The following EXOC4 variants were observed in gnomAD, a reference collection of about 807,000 sequenced individuals.
EXOC4 encodes exocyst complex component 4.
In EXOC4, 71 loss-of-function variants were observed where a neutral mutation model predicts 107.2. That is an observed-to-expected ratio of 0.66 (90% confidence interval 0.55 to 0.81). The LOEUF is 0.81. EXOC4 is among the 30% of genes least tolerant of loss of function. The pLI, the probability that EXOC4 is intolerant of heterozygous loss-of-function variation, is 0.00. For missense variants in EXOC4, 1,108 were observed against 1,189.6 expected (o/e 0.93, Z 1.01); for synonymous variants, 456 against 441.2 (o/e 1.03, Z -0.42).
At chr7:133,788,042 T>A (rs1284340636) in intron 10 of EXOC4, among the ~76,000 whole-genome samples, 1 of 127,012 alleles carries the variant, frequency 7.9e-6, no homozygotes, top group East Asian at 2.6e-4. Context: ...GGAGCTTGAA[T>A]AAGGTTCATA....
At chr7:133,765,814 T>C (rs1049582073) in intron 10 of EXOC4, among the ~76,000 whole-genome samples, 1 of 151,998 alleles carries the variant, frequency 6.6e-6, no homozygotes, top group African/African-American at 2.4e-5. Context: ...CCTGTCTCTT[T>C]GGTAATTTAT....
At chr7:133,519,338 G>T (rs1026654665) in intron 9 of EXOC4, among the ~76,000 whole-genome samples, 20 of 152,042 alleles carry the variant, frequency 1.3e-4, no homozygotes, top group Admixed American at 4.6e-4. Flanking sequence ...TGGGATAATC[G>T]CTTGAGCCCA....
intron 13 of EXOC4, among the ~76,000 whole-genome samples, chr7:133,935,301 C>G (rs1800274264): frequency 6.6e-6 from 1 of 152,132 alleles, no homozygotes; most frequent in Non-Finnish European, 1.5e-5. Flanking sequence ...TGATGCCCAT[C>G]TACTGATTTC....
At chr7:133,811,873 A>G (rs948689426) in intron 10 of EXOC4, among the ~76,000 whole-genome samples, 1 of 152,236 alleles carries the variant, frequency 6.6e-6, no homozygotes, top group Non-Finnish European at 1.5e-5. Context: ...AGTTTCAGGA[A>G]CTATGGATTA....
At chr7:133,311,818 A>G (rs555913835) in intron 4 of EXOC4, among the ~76,000 whole-genome samples, 1 of 152,314 alleles carries the variant, frequency 6.6e-6, no homozygotes, top group South Asian at 2.1e-4. Context: ...TAGATTAAAA[A>G]TACAAATGGC....
intron 17 of EXOC4, among the ~76,000 whole-genome samples, chr7:134,035,160 C>A (rs1795360359): frequency 6.6e-6 from 1 of 151,482 alleles, no homozygotes; most frequent in Non-Finnish European, 1.5e-5. Context: ...ATTCTCCTGC[C>A]TCAGCCTCTG....
At chr7:133,480,498 T>C (rs1799128838) in intron 9 of EXOC4, 2 of 1,048,116 alleles carry the variant, frequency 1.9e-6, no homozygotes, top group South Asian at 6.1e-5. Context: ...TTCTAGAATA[T>C]GACAGGAGTA....
intron 7 of EXOC4, among the ~76,000 whole-genome samples, chr7:133,471,280 C>T (rs1563078221): frequency 6.6e-6 from 1 of 151,916 alleles, no homozygotes; most frequent in Non-Finnish European, 1.5e-5. Flanking sequence ...GGCGTGGTGG[C>T]AGGTGCCTGT....
At position 133,545,513 on chromosome 7, in the gene EXOC4, TA is replaced by T. The variant is rs1347593844; in HGVS notation, c.1417+65376del. Among the ~76,000 whole-genome samples the T allele has an allele frequency of 7.2e-5, 11 of 152,180 alleles. No individual in the cohort carries two copies. The South Asian group carries it at 8.3e-4, about 11-fold the overall frequency. ...TTAAATGCCATATCTTGATTTAAATTATCTTTTTCTTATTTCTTCCTACACT... is the reference window on the plus strand; with the variant it reads ...TTAAATGCCATATCTTGATTTAAATTTCTTTTTCTTATTTCTTCCTACACT... On this transcript the variant is annotated intron_variant, in intron 9 of 17. Coordinates refer to ENST00000253861, the MANE Select transcript of EXOC4 (RefSeq NM_021807.4).
At chr7:133,867,009 C>T (rs531450465) in intron 11 of EXOC4, among the ~76,000 whole-genome samples, 51 of 152,206 alleles carry the variant, frequency 3.4e-4, no homozygotes, top group Middle Eastern at 3.2e-3. Context: ...AAACTTTTGG[C>T]TCTGCTGTGC....
At chr7:133,428,580 C>T (rs1167282598) in intron 7 of EXOC4, among the ~76,000 whole-genome samples, 1 of 152,234 alleles carries the variant, frequency 6.6e-6, no homozygotes, top group Non-Finnish European at 1.5e-5. Flanking sequence ...GCATATCCAG[C>T]TTTGGCTAGT....
chr7:133,523,253 CTATATTT>C, intron 9 of EXOC4, among the ~76,000 whole-genome samples: 1 of 152,026 alleles, frequency 6.6e-6, no homozygotes, highest in Non-Finnish European at 1.5e-5. Flanking sequence ...AAAGCAGACT[CTATATTT>C]TAAATTCAGT....
At chr7:133,677,368 A>T (rs945278396) in intron 10 of EXOC4, among the ~76,000 whole-genome samples, 3 of 152,142 alleles carry the variant, frequency 2.0e-5, no homozygotes, top group African/African-American at 7.2e-5. Context: ...TTTCATCTTT[A>T]GACACTTCCA....
intron 10 of EXOC4, among the ~76,000 whole-genome samples, chr7:133,747,550 A>T (rs192775544): frequency 6.6e-6 from 1 of 152,302 alleles, no homozygotes; most frequent in East Asian, 1.9e-4. Flanking sequence ...TTAAAATCAC[A>T]CTAGAAATAG....
At chr7:133,473,743 C>G (rs1337329410) in intron 7 of EXOC4, among the ~76,000 whole-genome samples, 1 of 151,820 alleles carries the variant, frequency 6.6e-6, no homozygotes, top group Admixed American at 6.6e-5. Context: ...CTCTGTCGCC[C>G]AGGCTGGAGT....
chr7:133,559,541 T>A (rs1191199406), intron 9 of EXOC4, among the ~76,000 whole-genome samples: 1 of 152,166 alleles, frequency 6.6e-6, no homozygotes, highest in African/African-American at 2.4e-5. Context: ...CAATTCCAAA[T>A]GCGTAATTAG....
At chr7:133,656,652 A>G (rs1388622850) in intron 10 of EXOC4, among the ~76,000 whole-genome samples, 1 of 152,146 alleles carries the variant, frequency 6.6e-6, no homozygotes, top group Non-Finnish European at 1.5e-5. Flanking sequence ...GTGCCTACCT[A>G]TTTTAAATTG....
At chr7:133,408,804 C>A (rs1486634680) in intron 7 of EXOC4, among the ~76,000 whole-genome samples, 1 of 152,268 alleles carries the variant, frequency 6.6e-6, no homozygotes, top group Admixed American at 6.5e-5. Context: ...TATGTGAATT[C>A]TGTGTATTTT....
intron 17 of EXOC4, among the ~76,000 whole-genome samples, chr7:134,043,028 A>C (rs1795556868): frequency 6.6e-6 from 1 of 152,280 alleles, no homozygotes; most frequent in South Asian, 2.1e-4. Context: ...GTGACAGATT[A>C]AGACTCCGTC....
Sources: allele counts gnomAD v4.1 joint callset (sites outside exome capture counted in the v4.1 genomes callset), GRCh38; gene constraint gnomAD v4.1.1; transcripts MANE v1.5; gene names NCBI Gene and HGNC (gene_info 2026-07-23, HGNC 2026-07-21).